DSG2: variants seen among roughly 807,000 people sequenced by gnomAD.
DSG2 encodes the protein desmoglein 2.
Under a neutral mutation model 75.6 loss-of-function variants are expected in DSG2, and 45 were observed. The ratio of observed to expected loss-of-function variants is 0.60; its 90% CI spans 0.47 to 0.76. DSG2 has a LOEUF of 0.76. Among genes scored for constraint, DSG2 ranks in the 30% least tolerant of loss-of-function variants. DSG2 has a pLI of 0.00. For missense variants in DSG2, 1,267 were observed against 1,357.4 expected, an observed-to-expected ratio of 0.93 and a Z score of 1.05; for synonymous variants, 429 against 483.9, an observed-to-expected ratio of 0.89 and a Z score of 1.49.
rs373603841 is a variant in DSG2 at position 31,536,589 on chromosome 18, A to G, written c.1651+160A>G. Among the ~76,000 whole-genome samples the G allele has an allele frequency of 1.3e-4, 20 of 152,334 alleles. No individual in the cohort carries two copies. The South Asian group carries it at 3.1e-3, about 24-fold the overall frequency. ...AACCTACTGACATATAGTATCTTTT[A>G]TATGCTTATGGAGAGAAGAAAAATA... On this transcript the variant is annotated intron_variant, in intron 11 of 14. Coordinates refer to ENST00000261590, the MANE Select transcript of DSG2 (RefSeq NM_001943.5).
intron 3 of DSG2, 60 bp from the exon 4 acceptor site, chr18:31,520,743 A>G (rs879280548): frequency 1.3e-6 from 2 of 1,567,464 alleles, no homozygotes; most frequent in African/African-American, 1.4e-5. Context: ...TTTGGCTAAG[A>G]TCAAATCTAG....
rs1042667056 is a variant in DSG2, at chr18:31,546,683, C to T, written c.3297C>T (p.Thr1099=). Residue 1099 remains threonine (T), a synonymous_variant, in exon 15 of 15, where the codon ACC becomes ACT. Transcript: ENST00000261590. ...AGGAATCTGGTCATTCTAATTCTAC[C>T]ATAACCACATCTTCCACCAGAGTTA... ...GLEESGHSNS[T]ITTSSTRVTK... 5.6e-6 allele frequency: 9 copies of T among 1,614,188 alleles called. No individual in the cohort carries two copies. In the South Asian group the frequency reaches 8.8e-5, roughly 16 times the overall value.
intron 1 of DSG2, among the ~76,000 whole-genome samples, chr18:31,500,152 G>A (rs1293808022): frequency 6.6e-6 from 1 of 151,928 alleles, no homozygotes; most frequent in Non-Finnish European, 1.5e-5. Context: ...TCAGAGTTCA[G>A]TTGCAAATAA....
intron 5 of DSG2, among the ~76,000 whole-genome samples, chr18:31,521,739 C>T (rs1367332655): frequency 2.0e-5 from 3 of 152,168 alleles, no homozygotes; most frequent in African/African-American, 7.2e-5. Flanking sequence ...AATAGTTACG[C>T]TTCTCCTGAT....
chr18:31,498,644 C>T (rs1332944272), intron 1 of DSG2, among the ~76,000 whole-genome samples: 3 of 152,156 alleles, frequency 2.0e-5, no homozygotes, highest in Admixed American at 2.0e-4. Context: ...TGTTGAGAGT[C>T]TCTGGGACGA....
chr18:31,533,955 G>A (rs532134156), intron 9 of DSG2, among the ~76,000 whole-genome samples: 16 of 149,556 alleles, frequency 1.1e-4, no homozygotes, highest in African/African-American at 4.9e-5. Context: ...AAACTCATTG[G>A]TATTCATTAA....
At chr18:31,500,265 T>C (rs1008726492) in intron 1 of DSG2, among the ~76,000 whole-genome samples, 2 of 152,290 alleles carry the variant, frequency 1.3e-5, no homozygotes, top group Admixed American at 1.3e-4. Context: ...ATTTGAGCTG[T>C]CAGTAATGAC....
At chr18:31,508,984 G>A (rs1321270032) in intron 1 of DSG2, among the ~76,000 whole-genome samples, 1 of 152,066 alleles carries the variant, frequency 6.6e-6, no homozygotes, top group Admixed American at 6.5e-5. Context: ...TTATCAAGGT[G>A]ATTCTAATGC....
At chr18:31,519,579 C>A (rs1201484416) in intron 2 of DSG2, among the ~76,000 whole-genome samples, 1 of 151,966 alleles carries the variant, frequency 6.6e-6, no homozygotes, top group Non-Finnish European at 1.5e-5. Context: ...AAAAAATAAA[C>A]CAGAAAAAAC....
At chr18:31,533,752 C>G (rs1008413252) in intron 9 of DSG2, among the ~76,000 whole-genome samples, 1 of 152,096 alleles carries the variant, frequency 6.6e-6, no homozygotes, top group African/African-American at 2.4e-5. Flanking sequence ...TTATTATTTA[C>G]TGGTAGCAGT....
At chr18:31,533,650 A>G (rs1389052837) in intron 9 of DSG2, among the ~76,000 whole-genome samples, 4 of 152,242 alleles carry the variant, frequency 2.6e-5, no homozygotes, top group Non-Finnish European at 5.9e-5. Context: ...TATTATCAGT[A>G]TGAATGTTGG....
chr18:31,542,298 G>GTT, intron 13 of DSG2: 1 of 600,952 alleles, frequency 1.7e-6, no homozygotes, highest in South Asian at 2.0e-5. Flanking sequence ...TTTGGGCTTT[G>GTT]TTTTCTCTTT....
intron 14 of DSG2, 101 bp downstream of exon 14, chr18:31,542,953 C>A: frequency 2.6e-5 from 24 of 917,772 alleles, no homozygotes; most frequent in Middle Eastern, 2.7e-4. Flanking sequence ...CCAAATGAGA[C>A]TTTGGGTTTT....
chr18:31,501,966 G>A (rs549695329), intron 1 of DSG2, among the ~76,000 whole-genome samples: 128 of 152,232 alleles, frequency 8.4e-4, no homozygotes, highest in Admixed American at 3.2e-3. Context: ...ATACATTAAA[G>A]TATAAATTAG....
rs1311481109 is a variant in DSG2 at position 31,545,731 on chromosome 18, C to T, written c.2345C>T (p.Ser782Phe). The T allele has an allele frequency of 6.2e-7, 1 of 1,613,832 alleles. No individual in the cohort carries two copies. Among genetic ancestry groups the T allele is most frequent in the South Asian group, 1.1e-5 (1 of 91,086 alleles). Residue 782 changes from serine (S) to phenylalanine (F), a missense_variant, in exon 15 of 15, where the codon TCT becomes TTT. Coordinates refer to ENST00000261590, the MANE Select transcript of DSG2 (RefSeq NM_001943.5). ...TTGTTTTCATTTTAGAAAGCGGCCT[C>T]TTACACTGAGGAAGATGAAAATCAC... ...LRNYFTDKAA[S>F]YTEEDENHTA... is the part of the protein sequence containing the mutation.
chr18:31,541,719 T>A (rs1362788074), intron 13 of DSG2, among the ~76,000 whole-genome samples: 2 of 152,182 alleles, frequency 1.3e-5, no homozygotes, highest in Admixed American at 6.5e-5. Context: ...AAAACCCCAT[T>A]TCCCAACTAC....
At chr18:31,542,884 G>T (rs7239307) in intron 14 of DSG2, 32 bp downstream of exon 14, 1 of 1,100,288 alleles carries the variant, frequency 9.1e-7, no homozygotes, top group Non-Finnish European at 1.3e-6. Context: ...TGGTGGTGGG[G>T]GGTGGGGGGA....
Position 31,546,329 on chromosome 18 carries a change from T to C in DSG2, c.2943T>C (p.Asn981=), listed in dbSNP as rs1170318995. 6.2e-7 allele frequency: 1 copy of C among 1,609,810 alleles called. No individual in the cohort carries two copies. Among genetic ancestry groups the C allele is most frequent in the Non-Finnish European group, 8.5e-7 (1 of 1,177,126 alleles). Residue 981 remains asparagine, a synonymous_variant, in exon 15 of 15, where the codon AAT becomes AAC. Transcript: ENST00000261590. ...ASTLVDQPYA[N]EGTVVVTERV... Reference sequence around the variant, plus strand: ...CCTTGGTAGATCAGCCTTATGCTAATGAAGGTACAGTTGTGGTCACTGAAA... The same window carrying C: ...CCTTGGTAGATCAGCCTTATGCTAACGAAGGTACAGTTGTGGTCACTGAAA...
intron 12 of DSG2, among the ~76,000 whole-genome samples, chr18:31,540,212 C>T (rs1008614128): frequency 6.6e-6 from 1 of 152,168 alleles, no homozygotes; most frequent in Non-Finnish European, 1.5e-5. Flanking sequence ...AAACTGTCTT[C>T]CATGAAACCA....
Sources: gnomAD v4.1 joint callset for allele counts (sites outside exome capture counted in the v4.1 genomes callset) on GRCh38, gnomAD v4.1.1 for gene constraint, MANE v1.5 for transcripts, NCBI Gene and HGNC (gene_info 2026-07-23, HGNC 2026-07-21) for gene names.